Variants in RAB38 observed in about 807,000 individuals in gnomAD.
The protein encoded by RAB38 is ras-related protein Rab-38.
RAB38 carries 15 observed loss-of-function variants against 18.4 expected under a neutral mutation model. The ratio of observed to expected loss-of-function variants is 0.82; its 90% CI spans 0.55 to 1.26. The LOEUF is 1.26. Among genes scored for constraint, RAB38 ranks in the 50% most tolerant of loss-of-function variants. The probability of loss-of-function intolerance (pLI) is 0.00; values close to 1 mark genes in which losing one functional copy is unlikely to be tolerated. For synonymous variants in RAB38, 101 were observed against 104.4 expected, an observed-to-expected ratio of 0.97 and a Z score of 0.20; for missense variants, 294 against 267.4, an observed-to-expected ratio of 1.10 and a Z score of -0.69.
chr11:88,037,007 T>C, the RAB38 span, among the ~76,000 whole-genome samples: 1 of 152,018 alleles, frequency 6.6e-6, no homozygotes, highest in Non-Finnish European at 1.5e-5. Context: ...TATTTCAAAC[T>C]TTTTCTTATT....
chr11:87,954,009 G>A, the RAB38 span, among the ~76,000 whole-genome samples: 1 of 152,088 alleles, frequency 6.6e-6, no homozygotes, highest in African/African-American at 2.4e-5. Context: ...AATGATATGA[G>A]CAAAGACACA....
At chr11:87,875,751 A>T in the RAB38 span, among the ~76,000 whole-genome samples, 6 of 151,500 alleles carry the variant, frequency 4.0e-5, no homozygotes, top group African/African-American at 1.5e-4. Context: ...GCTCAATAAC[A>T]TTTTATTTTT....
the RAB38 span, among the ~76,000 whole-genome samples, chr11:87,849,536 GAC>G: frequency 6.6e-6 from 1 of 152,092 alleles, no homozygotes; most frequent in Non-Finnish European, 1.5e-5. Context: ...GCATCAGAGA[GAC>G]AGTTTCAGCA....
the RAB38 span, among the ~76,000 whole-genome samples, chr11:88,017,716 A>T: frequency 2.1e-5 from 3 of 144,872 alleles, no homozygotes; most frequent in African/African-American, 7.7e-5. Context: ...ATATATATAT[A>T]ATATATATTA....
chr11:87,874,330 T>G, the RAB38 span, among the ~76,000 whole-genome samples: 1 of 151,498 alleles, frequency 6.6e-6, no homozygotes, highest in Non-Finnish European at 1.5e-5. Context: ...AGAAAATATT[T>G]GCAAGCCATA....
the RAB38 span, among the ~76,000 whole-genome samples, chr11:88,023,244 T>C: frequency 6.6e-6 from 1 of 152,180 alleles, no homozygotes; most frequent in South Asian, 2.1e-4. Flanking sequence ...AAATCAGTAA[T>C]ATTTCTATAT....
chr11:87,912,814 C>T, the RAB38 span, among the ~76,000 whole-genome samples: 1 of 70,018 alleles, frequency 1.4e-5, no homozygotes, highest in African/African-American at 4.3e-5. Context: ...TTCTTTTATA[C>T]TAAACATATT....
At chr11:87,890,442 T>G in the RAB38 span, among the ~76,000 whole-genome samples, 1 of 151,880 alleles carries the variant, frequency 6.6e-6, no homozygotes, top group Non-Finnish European at 1.5e-5. Flanking sequence ...AGCCCTTGGT[T>G]CATCCCTCAC....
At chr11:88,171,448 T>G (rs1943311094) in intron 1 of RAB38, among the ~76,000 whole-genome samples, 1 of 152,192 alleles carries the variant, frequency 6.6e-6, no homozygotes, top group South Asian at 2.1e-4. Context: ...GCAATTGAGG[T>G]TCAGCAAGGT....
the RAB38 span, among the ~76,000 whole-genome samples, chr11:87,808,048 C>T: frequency 1.2e-4 from 19 of 152,194 alleles, no homozygotes; most frequent in African/African-American, 4.6e-4. Flanking sequence ...CCTCCCCAGT[C>T]TCTCATCCTT....
the RAB38 span, among the ~76,000 whole-genome samples, chr11:87,857,545 T>G: frequency 4.6e-5 from 7 of 152,328 alleles, no homozygotes; most frequent in African/African-American, 1.4e-4. Flanking sequence ...GACTTTTTAA[T>G]GGTCACCATT....
chr11:87,811,629 G>A, the RAB38 span, among the ~76,000 whole-genome samples: 1 of 152,066 alleles, frequency 6.6e-6, no homozygotes, highest in Admixed American at 6.6e-5. Flanking sequence ...GTTGTACGGT[G>A]AACATTTATT....
chr11:87,816,543 A>T, the RAB38 span: 1 of 152,066 alleles, frequency 6.6e-6, no homozygotes, highest in African/African-American at 2.4e-5. Context: ...ATTGAATATG[A>T]TCAGGTGGTA....
At chr11:87,931,400 A>G in the RAB38 span, among the ~76,000 whole-genome samples, 1 of 152,046 alleles carries the variant, frequency 6.6e-6, no homozygotes, top group African/African-American at 2.4e-5. Context: ...TAAGATGAGA[A>G]GGTGTAGACA....
At chr11:88,009,358 C>A in the RAB38 span, among the ~76,000 whole-genome samples, 12 of 152,108 alleles carry the variant, frequency 7.9e-5, no homozygotes, top group African/African-American at 2.7e-4. Context: ...AGAAGATATG[C>A]TTCTCATGAA....
chr11:88,139,821 A>C (rs1412696978), intron 2 of RAB38, among the ~76,000 whole-genome samples: 2 of 152,218 alleles, frequency 1.3e-5, no homozygotes, highest in Non-Finnish European at 2.9e-5. Context: ...GAATAGATAG[A>C]GTGCTAGACT....
At chr11:87,968,679 C>A in the RAB38 span, among the ~76,000 whole-genome samples, 7 of 152,224 alleles carry the variant, frequency 4.6e-5, no homozygotes, top group African/African-American at 1.7e-4. Context: ...AGAAAAATAA[C>A]CATCTGGACA....
intron 2 of RAB38, among the ~76,000 whole-genome samples, chr11:88,136,020 A>G (rs1942830626): frequency 6.6e-6 from 1 of 152,200 alleles, no homozygotes; most frequent in Non-Finnish European, 1.5e-5. Flanking sequence ...ATTCTCAAAA[A>G]GTGACTCCAC....
chr11:87,834,772 A>G, the RAB38 span, among the ~76,000 whole-genome samples: 3 of 152,216 alleles, frequency 2.0e-5, no homozygotes, highest in African/African-American at 7.2e-5. Context: ...ATGCAGCATC[A>G]TTGCTTAATC....
Sources: gnomAD v4.1 joint callset for allele counts (sites outside exome capture counted in the v4.1 genomes callset) on GRCh38, gnomAD v4.1.1 for gene constraint, MANE v1.5 for transcripts, NCBI Gene and HGNC (gene_info 2026-07-23, HGNC 2026-07-21) for gene names.